Variants in LTN1 observed in about 807,000 individuals in gnomAD.
LTN1 encodes listerin E3 ubiquitin protein ligase 1, also known as E3 ubiquitin-protein ligase listerin.
LTN1 carries 88 observed loss-of-function variants against 201.2 expected under a neutral mutation model. That is an observed-to-expected ratio of 0.44 (90% CI 0.37 to 0.52). LTN1 has a LOEUF of 0.52. Among genes scored for constraint, LTN1 ranks in the 20% least tolerant of loss-of-function variants. The pLI, the probability that LTN1 is intolerant of heterozygous loss-of-function variation, is 0.00. For synonymous variants in LTN1, 645 were observed against 713.5 expected (o/e 0.90, Z 1.53); for missense variants, 1,752 against 2,038.7 (o/e 0.86, Z 2.71).
intron 19 of LTN1, among the ~76,000 whole-genome samples, chr21:28,946,665 C>T (rs1200618560): frequency 6.6e-6 from 1 of 152,192 alleles, no homozygotes; most frequent in East Asian, 1.9e-4. Flanking sequence ...GAAAATAGAA[C>T]ATACTGTTTC....
chr21:28,947,481 T>C lies in LTN1; in HGVS notation c.3470A>G (p.Asp1157Gly). The C allele has an allele frequency of 6.5e-7, 1 of 1,533,142 alleles. No homozygotes were observed. Among genetic ancestry groups the C allele is most frequent in the Non-Finnish European group, 8.7e-7 (1 of 1,146,514 alleles). The allele number at this position is 1,533,142 out of a possible 1,614,324, so 95.0% of individuals were successfully genotyped here. The change falls in exon 19 of 30, where the codon GAT becomes GGT. Residue 1157 changes from aspartate to glycine, a missense_variant. Asp to Gly is a moderately conservative substitution (Grantham distance 94). Around this residue, in one of 3 missense-constraint regions of LTN1, gnomAD observed 1,211 missense variants for 1,312.8 expected, o/e 0.92. Transcript: ENST00000361371. ...IPALLGWTKK[D>G]LCSTNGGFGH... is the part of the protein sequence containing the mutation. ...CAACTAACCATTAGTGCTGCAAAGATCTTTCTTAGTCCAGCCCAAAAGAGC... is the reference window on the plus strand; with the variant it reads ...CAACTAACCATTAGTGCTGCAAAGACCTTTCTTAGTCCAGCCCAAAAGAGC...
chr21:28,953,855 A>G (rs2084403563), intron 16 of LTN1, among the ~76,000 whole-genome samples: 1 of 152,182 alleles, frequency 6.6e-6, no homozygotes, highest in Non-Finnish European at 1.5e-5. Flanking sequence ...ATAAATAGTT[A>G]TCAATTAGGA....
At chr21:28,988,163 A>C (rs1448313632) in intron 1 of LTN1, among the ~76,000 whole-genome samples, 2 of 143,800 alleles carry the variant, frequency 1.4e-5, no homozygotes, top group African/African-American at 2.6e-5. Flanking sequence ...AAAACAACAA[A>C]AAAAAACAAA....
intron 1 of LTN1, among the ~76,000 whole-genome samples, chr21:28,987,491 TG>T (rs2084707285): frequency 6.6e-6 from 1 of 152,000 alleles, no homozygotes; most frequent in African/African-American, 2.4e-5. Context: ...TCCTTGAGAG[TG>T]GATACACTCA....
chr21:28,942,646 T>C (rs2084305929), intron 24 of LTN1, among the ~76,000 whole-genome samples: 1 of 152,180 alleles, frequency 6.6e-6, no homozygotes, highest in Non-Finnish European at 1.5e-5. Flanking sequence ...CCTTTGTACA[T>C]GATGTTCTCT....
At chr21:28,946,554 C>CTG (rs1436481223) in intron 19 of LTN1, among the ~76,000 whole-genome samples, 1 of 152,150 alleles carries the variant, frequency 6.6e-6, no homozygotes, top group Non-Finnish European at 1.5e-5. Flanking sequence ...CTGACTTATG[C>CTG]TGTTTTTGTT....
intron 4 of LTN1, among the ~76,000 whole-genome samples, chr21:28,983,074 T>C (rs1390074015): frequency 2.0e-5 from 3 of 152,230 alleles, no homozygotes; most frequent in Non-Finnish European, 2.9e-5. Context: ...GCCCATGTCT[T>C]ATAGACAGTA....
chr21:28,984,067 G>C (rs1032159850), intron 4 of LTN1, among the ~76,000 whole-genome samples: 1 of 151,972 alleles, frequency 6.6e-6, no homozygotes, highest in African/African-American at 2.4e-5. Flanking sequence ...AAATTTGTTT[G>C]GCCTTTTGAA....
At chr21:28,959,046 A>C (rs570262595) in intron 13 of LTN1, among the ~76,000 whole-genome samples, 1 of 152,312 alleles carries the variant, frequency 6.6e-6, no homozygotes, top group African/African-American at 2.4e-5. Context: ...ATAAGGCAAG[A>C]ATATAGTCCT....
intron 17 of LTN1, 93 bp from the exon 18 acceptor site, chr21:28,952,357 T>A: frequency 2.9e-6 from 2 of 694,708 alleles, no homozygotes; most frequent in Non-Finnish European, 4.8e-6. Context: ...TTTACAGAAT[T>A]AAATAAAGCA....
chr21:28,950,718 T>C (rs1262029814), intron 18 of LTN1, among the ~76,000 whole-genome samples: 1 of 152,192 alleles, frequency 6.6e-6, no homozygotes. Context: ...TTCGCCATGT[T>C]GCCCAGGCTG....
chr21:28,975,152 C>A (rs2084604958), intron 6 of LTN1, among the ~76,000 whole-genome samples: 1 of 152,074 alleles, frequency 6.6e-6, no homozygotes, highest in Admixed American at 6.6e-5. Flanking sequence ...CAAGATGACC[C>A]AGACGTTATC....
intron 6 of LTN1, among the ~76,000 whole-genome samples, chr21:28,976,175 G>A (rs1185267786): frequency 1.3e-5 from 2 of 152,020 alleles, no homozygotes; most frequent in African/African-American, 4.8e-5. Flanking sequence ...ATATATACAT[G>A]TAGACAGGTG....
chr21:28,958,327 A>T, intron 14 of LTN1, 59 bp downstream of exon 14: 1 of 1,500,184 alleles, frequency 6.7e-7, no homozygotes, highest in Non-Finnish European at 9.0e-7. Context: ...ATGGAATCTA[A>T]TTTAAGGACA....
At chr21:28,964,019 A>T (rs1490910078) in intron 11 of LTN1, among the ~76,000 whole-genome samples, 1 of 152,216 alleles carries the variant, frequency 6.6e-6, no homozygotes, top group Non-Finnish European at 1.5e-5. Context: ...TCCTTCTTAC[A>T]GATAAGAAAG....
intron 1 of LTN1, among the ~76,000 whole-genome samples, chr21:28,990,080 A>C (rs1404159740): frequency 6.6e-6 from 1 of 152,016 alleles, no homozygotes; most frequent in Non-Finnish European, 1.5e-5. Flanking sequence ...TCACTGTCTG[A>C]CAAACTCCTA....
intron 1 of LTN1, among the ~76,000 whole-genome samples, chr21:28,990,949 C>T (rs930980132): frequency 6.6e-6 from 1 of 152,074 alleles, no homozygotes; most frequent in Non-Finnish European, 1.5e-5. Context: ...AAAAAAGTCC[C>T]AGCCTGGGCA....
chr21:28,970,620 C>A lies in LTN1; in HGVS notation c.1107G>T (p.Lys369Asn). Residue 369 changes from lysine (K) to asparagine (N), a missense_variant, in exon 8 of 30, where the codon AAG (lysine) becomes AAT (asparagine). Physicochemically the swap from Lys to Asn is moderately conservative, Grantham distance 94. Around this residue, in one of 3 missense-constraint regions of LTN1, gnomAD observed 1,211 missense variants for 1,312.8 expected, o/e 0.92. Transcript: ENST00000361371. ...IYPYLLPFIS[K>N]LPQSITNPKL... is the part of the protein sequence containing the mutation. The stretch of plus-strand genomic sequence containing the variant: ...TTGGATTTGTGATGGACTGAGGGAG[C>A]TTGCTGATGAATGGCAGAAGGTAAG... 1 of 1,613,874 alleles carries A rather than the reference C, an allele frequency of 6.2e-7. No homozygotes were observed. The highest frequency in any genetic ancestry group is 8.5e-7 in the Non-Finnish European group (1 of 1,179,908).
At chr21:28,991,138 G>GA (rs772830387) in intron 1 of LTN1, among the ~76,000 whole-genome samples, 397 of 119,394 alleles carry the variant, frequency 3.3e-3, no homozygotes, top group Middle Eastern at 0.013. Flanking sequence ...CTCTGTCCCC[G>GA]AAAAAAAAAA....
Sources: gnomAD v4.1 joint callset for allele counts (sites outside exome capture counted in the v4.1 genomes callset) on GRCh38, gnomAD v4.1.1 for gene constraint, gnomAD v4.1.1 regional missense constraint, MANE v1.5 for transcripts, NCBI Gene and HGNC (gene_info 2026-07-23, HGNC 2026-07-21) for gene names.